HELLS: variants seen among roughly 807,000 people sequenced by gnomAD.
HELLS encodes lymphoid-specific helicase.
Under a neutral mutation model 120.0 loss-of-function variants are expected in HELLS, and 32 were observed. That is an observed-to-expected ratio of 0.27 (90% CI 0.20 to 0.36). The LOEUF (loss-of-function observed/expected upper bound fraction) is 0.36, where lower values mean the gene tolerates loss of function less well. Ranked by LOEUF, HELLS falls within the 10% of genes least tolerant of loss-of-function variation. The pLI is 1.00. For missense variants in HELLS, 650 were observed against 993.4 expected, an observed-to-expected ratio of 0.65 and a Z score of 4.65; for synonymous variants, 341 against 323.4, an observed-to-expected ratio of 1.05 and a Z score of -0.58.
Position 94,545,967 on chromosome 10 carries a change from C to T in HELLS, c.31+15C>T, listed in dbSNP as rs781758418. ...GGGCAGCGGCGGTGAGTGAGGAAAA[C>T]CTTTTGGGCGCGGGTGGCAGCCTGC... On this transcript the variant is annotated intron_variant, in intron 1 of 21. Transcript: ENST00000348459. 4 of 1,555,650 alleles carry T rather than the reference C, an allele frequency of 2.6e-6. No individual in the cohort carries two copies. Among genetic ancestry groups the T allele is most frequent in the Non-Finnish European group, 3.5e-6 (4 of 1,149,016 alleles).
Position 94,590,640 on chromosome 10 carries a change from C to A in HELLS, c.1631C>A (p.Ala544Asp). Residue 544 changes from alanine (A) to aspartate (D), a missense_variant and splice_region_variant, in exon 15 of 22, where the codon GCT becomes GAT. Physicochemically the swap from Ala to Asp is moderately radical, Grantham distance 126. Coordinates refer to ENST00000348459, the MANE Select transcript of HELLS (RefSeq NM_018063.5). The stretch of plus-strand genomic sequence containing the variant: ...ATATGCATTATTTGTTTTGGTAGAG[C>A]TGTTGTGGAAGTGAATATCCCTGTA... The part of the protein sequence containing the change: ...QIQPEVDRER[A>D]VVEVNIPVES... 6.2e-7 allele frequency: 1 copy of A among 1,608,056 alleles called. No individual in the cohort carries two copies. Among genetic ancestry groups the A allele is most frequent in the Non-Finnish European group, 8.5e-7 (1 of 1,178,398 alleles).
At chr10:94,610,231 A>C (rs1158605655) in exon 10 of HELLS, 2 of 152,182 alleles carry the variant, frequency 1.3e-5, no homozygotes, top group East Asian at 3.8e-4. Context: ...GTTGGAAACA[A>C]AGCAGTAATA....
chr10:94,568,826 T>A (rs1308162609), intron 6 of HELLS, among the ~76,000 whole-genome samples: 3 of 150,766 alleles, frequency 2.0e-5, no homozygotes, highest in Non-Finnish European at 4.4e-5. Context: ...GATAGTAAAT[T>A]GAATGTCCAC....
intron 2 of HELLS, chr10:94,550,854 T>C (rs1014887731): frequency 1.3e-5 from 2 of 152,290 alleles, no homozygotes; most frequent in Admixed American, 6.5e-5. Flanking sequence ...ATCTCACCAC[T>C]GCACTCCAGC....
chr10:94,572,175 T>G (rs1413192095), intron 7 of HELLS, among the ~76,000 whole-genome samples: 1 of 152,220 alleles, frequency 6.6e-6, no homozygotes, highest in East Asian at 1.9e-4. Flanking sequence ...TTTTTAAAGA[T>G]TTAGTTAGAT....
chr10:94,606,325 T>C (rs887482308), downstream of HELLS, among the ~76,000 whole-genome samples: 5 of 152,106 alleles, frequency 3.3e-5, no homozygotes, highest in African/African-American at 1.2e-4. Flanking sequence ...CTTTTGAATG[T>C]GTGGTCCCTT....
intron 12 of HELLS, among the ~76,000 whole-genome samples, chr10:94,586,864 TTTG>T (rs1564609181): frequency 6.6e-6 from 1 of 151,998 alleles, no homozygotes; most frequent in African/African-American, 2.4e-5. Context: ...ACTAAATTTT[TTTG>T]TTTTTTTAGT....
At chr10:94,553,966 A>C (rs1315540907) in intron 2 of HELLS, among the ~76,000 whole-genome samples, 160 bp from the exon 3 acceptor site, 1 of 151,750 alleles carries the variant, frequency 6.6e-6, no homozygotes, top group Non-Finnish European at 1.5e-5. Context: ...TGTTAAACCC[A>C]AAAACTATTT....
chr10:94,558,302 T>C (rs1334032300), intron 4 of HELLS, 107 bp downstream of exon 4: 1 of 1,315,794 alleles, frequency 7.6e-7, no homozygotes, highest in Admixed American at 3.2e-5. Context: ...GTTTCTTTAG[T>C]GATAAACCTA....
chr10:94,546,479 A>G lies in HELLS; in HGVS notation c.134A>G (p.Glu45Gly), dbSNP rs758124336. 1 of 1,614,096 alleles carries G rather than the reference A, an allele frequency of 6.2e-7. No individual in the cohort carries two copies. The highest frequency in any genetic ancestry group is 8.5e-7 in the Non-Finnish European group (1 of 1,180,030). Residue 45 changes from glutamate (E) to glycine (G), a missense_variant, in exon 2 of 22, where the codon GAG becomes GGG. Glu to Gly is a moderately conservative substitution (Grantham distance 98). Around this residue, in one of 9 missense-constraint regions of HELLS, gnomAD observed 90 missense variants for 93.6 expected, o/e 0.96. Transcript: ENST00000348459. Reference sequence around the variant, plus strand: ...CTTGAAGCTGCTGGACTAGAGAGAGAGCGGAAGATGCTGGAAAAGGTAATT... The same window carrying G: ...CTTGAAGCTGCTGGACTAGAGAGAGGGCGGAAGATGCTGGAAAAGGTAATT... ...EQLEAAGLER[E>G]RKMLEKARMS...
downstream of HELLS, among the ~76,000 whole-genome samples, chr10:94,604,142 T>TA (rs1846100316): frequency 6.6e-6 from 1 of 151,292 alleles, no homozygotes; most frequent in Non-Finnish European, 1.5e-5. Context: ...TTTTTTTTTT[T>TA]TATAAACAGT....
chr10:94,579,201 C>CTTTTTTTTTTTT, intron 10 of HELLS, among the ~76,000 whole-genome samples: 1 of 133,868 alleles, frequency 7.5e-6, no homozygotes, highest in Non-Finnish European at 1.6e-5. Flanking sequence ...CTACTTTTTT[C>CTTTTTTTTTTTT]TTTTTTTTTT....
intron 4 of HELLS, among the ~76,000 whole-genome samples, chr10:94,558,792 A>G (rs1008711849): frequency 1.3e-4 from 20 of 152,038 alleles, no homozygotes; most frequent in African/African-American, 4.6e-4. Flanking sequence ...CAGTAGAGAC[A>G]GAGTTTTACT....
Position 94,592,324 on chromosome 10 carries a change from G to C in HELLS, c.1851+12G>C, listed in dbSNP as rs1237557543. ...AAAGAGGTCACAAGGTGGTACTTTT[G>C]ATTGGAATTTTGGATTGTTCAATTA... On this transcript the variant is annotated intron_variant, in intron 16 of 21. Transcript: ENST00000348459. The C allele has an allele frequency of 1.3e-6, 2 of 1,598,392 alleles. No homozygotes were observed. Among genetic ancestry groups the C allele is most frequent in the African/African-American group, 1.3e-5 (1 of 74,220 alleles).
intron 6 of HELLS, among the ~76,000 whole-genome samples, chr10:94,567,218 A>G (rs931989608): frequency 6.6e-6 from 1 of 152,076 alleles, no homozygotes; most frequent in African/African-American, 2.4e-5. Context: ...CCTTTCAATT[A>G]TAGATACATT....
intron 15 of HELLS, 142 bp from the exon 16 acceptor site, chr10:94,592,087 T>A (rs1845515268): frequency 1.7e-6 from 1 of 581,158 alleles, no homozygotes; most frequent in Admixed American, 3.4e-5. Context: ...ATCTTCTGAT[T>A]TTACAAAGAT....
At chr10:94,567,284 G>GT (rs1843854006) in intron 6 of HELLS, among the ~76,000 whole-genome samples, 1 of 152,008 alleles carries the variant, frequency 6.6e-6, no homozygotes, top group Non-Finnish European at 1.5e-5. Context: ...AGATTGCCCT[G>GT]TTTTTTATTC....
chr10:94,546,271 C>T, intron 1 of HELLS, 106 bp from the exon 2 acceptor site: 1 of 1,386,272 alleles, frequency 7.2e-7, no homozygotes, highest in Non-Finnish European at 1.0e-6. Flanking sequence ...CGGTCTTCAG[C>T]TTTTGCTCCA....
chr10:94,549,997 T>C (rs1842905548), intron 2 of HELLS, among the ~76,000 whole-genome samples: 1 of 152,204 alleles, frequency 6.6e-6, no homozygotes. Flanking sequence ...CTCGGCTCAC[T>C]GCAACCTCTG....
Sources: gnomAD v4.1 joint callset for allele counts (sites outside exome capture counted in the v4.1 genomes callset) on GRCh38, gnomAD v4.1.1 for gene constraint, gnomAD v4.1.1 regional missense constraint, MANE v1.5 for transcripts, NCBI Gene and HGNC (gene_info 2026-07-23, HGNC 2026-07-21) for gene names.